Variants in MTUS2 observed in about 807,000 individuals in gnomAD.
MTUS2 encodes the protein microtubule associated scaffold protein 2.
Under a neutral mutation model 114.1 loss-of-function variants are expected in MTUS2, and 40 were observed. That is an observed-to-expected ratio of 0.35 (90% CI 0.27 to 0.46). The LOEUF (loss-of-function observed/expected upper bound fraction) is 0.46. MTUS2 is among the 20% of genes least tolerant of loss of function. The pLI is 1.00. For missense variants in MTUS2, 1,679 were observed against 1,705.4 expected (o/e 0.98, Z 0.27); for synonymous variants, 688 against 672.0 (o/e 1.02, Z -0.37).
chr13:29,000,760 C>T (rs1367036677), intron 2 of MTUS2, among the ~76,000 whole-genome samples: 1 of 152,216 alleles, frequency 6.6e-6, no homozygotes, highest in Non-Finnish European at 1.5e-5. Flanking sequence ...TGAGCCATCA[C>T]CAAGTTTTGC....
chr13:29,338,051 C>A (rs1901172632), intron 7 of MTUS2, among the ~76,000 whole-genome samples: 1 of 151,424 alleles, frequency 6.6e-6, no homozygotes, highest in Admixed American at 6.6e-5. Flanking sequence ...CTCAGCCTCC[C>A]AAAGTGCTGG....
rs748022334 is a variant in MTUS2, at chr13:29,034,071, C to T, written c.2392C>T (p.His798Tyr). 3 of 1,613,888 alleles carry T rather than the reference C, an allele frequency of 1.9e-6. No individual in the cohort carries two copies. The highest frequency in any genetic ancestry group is 2.5e-6 in the Non-Finnish European group (3 of 1,179,908). The change falls in exon 4 of 16, where the codon CAC becomes TAC. Residue 798 changes from histidine (H) to tyrosine (Y), a missense_variant. Coordinates refer to ENST00000612955, the MANE Select transcript of MTUS2 (RefSeq NM_001033602.4). ...TCAGAGGTCTTCAGCGAGCGCCATC[C>T]ACCCACCAGGACCCATAACAACAGC... ...ASQRSSASAIHPPGPITTATS... is the reference protein window; with the variant it reads ...ASQRSSASAIYPPGPITTATS...
At chr13:28,934,695 G>C (rs1479990767) in intron 2 of MTUS2, among the ~76,000 whole-genome samples, 1 of 152,008 alleles carries the variant, frequency 6.6e-6, no homozygotes, top group Non-Finnish European at 1.5e-5. Flanking sequence ...TGCTAATTTG[G>C]TATTTTTAGT....
chr13:29,297,166 A>G (rs1197685582), intron 6 of MTUS2, among the ~76,000 whole-genome samples: 1 of 152,098 alleles, frequency 6.6e-6, no homozygotes, highest in African/African-American at 2.4e-5. Context: ...ATATGGATGT[A>G]TAGTTTCTTA....
At chr13:29,071,409 ATTTTTTTTTTTTTTTT>A (rs751020009) in intron 4 of MTUS2, among the ~76,000 whole-genome samples, 16 of 46,142 alleles carry the variant, frequency 3.5e-4, no homozygotes, top group South Asian at 2.3e-3. Context: ...TGTTGCTTGA[ATTTTTTTTTTTTTTTT>A]TTTTTTTTTT....
intron 8 of MTUS2, among the ~76,000 whole-genome samples, chr13:29,360,269 T>C (rs1338947161): frequency 6.6e-6 from 1 of 152,200 alleles, no homozygotes; most frequent in Non-Finnish European, 1.5e-5. Context: ...GTAAAAGTGC[T>C]GTATAAATGC....
chr13:29,448,481 G>T (rs1396082731), intron 9 of MTUS2, among the ~76,000 whole-genome samples: 1 of 152,150 alleles, frequency 6.6e-6, no homozygotes, highest in Non-Finnish European at 1.5e-5. Flanking sequence ...ATGGGGAAAT[G>T]TCTTTTTTTT....
At chr13:29,125,866 T>G (rs1041004375) in intron 5 of MTUS2, among the ~76,000 whole-genome samples, 1 of 152,236 alleles carries the variant, frequency 6.6e-6, no homozygotes, top group Admixed American at 6.5e-5. Context: ...GAGACAGCTT[T>G]CTGTTTGAGG....
At chr13:28,867,703 A>G (rs1025045620) in intron 2 of MTUS2, among the ~76,000 whole-genome samples, 1 of 152,232 alleles carries the variant, frequency 6.6e-6, no homozygotes, top group Non-Finnish European at 1.5e-5. Flanking sequence ...ATTTTATTGT[A>G]GGTCATGAGT....
intron 2 of MTUS2, among the ~76,000 whole-genome samples, chr13:28,944,939 G>T (rs1566241917): frequency 6.6e-6 from 1 of 152,106 alleles, no homozygotes; most frequent in Non-Finnish European, 1.5e-5. Context: ...AATGTACATT[G>T]AACCTATTAA....
chr13:29,162,464 TAA>T (rs1433327590), intron 5 of MTUS2, among the ~76,000 whole-genome samples: 4 of 152,170 alleles, frequency 2.6e-5, no homozygotes, highest in African/African-American at 2.4e-5. Flanking sequence ...CTCACTAAAT[TAA>T]AGAGTGTGTT....
chr13:29,492,589 T>A, intron 11 of MTUS2, 57 bp from the exon 12 acceptor site: 1 of 1,438,434 alleles, frequency 7.0e-7, no homozygotes, highest in Non-Finnish European at 9.8e-7. Context: ...CAAAAGAGCC[T>A]TGTTTTATCC....
At chr13:29,285,913 T>G (rs1211641799) in intron 6 of MTUS2, among the ~76,000 whole-genome samples, 5 of 152,084 alleles carry the variant, frequency 3.3e-5, no homozygotes, top group Admixed American at 6.6e-5. Flanking sequence ...GGCTATATGG[T>G]GATATTAAGG....
At chr13:29,173,033 A>G (rs980828256) in intron 5 of MTUS2, among the ~76,000 whole-genome samples, 1 of 152,152 alleles carries the variant, frequency 6.6e-6, no homozygotes, top group South Asian at 2.1e-4. Context: ...AGGAACCTTC[A>G]TATAGGCACC....
At chr13:29,311,974 C>T (rs1183004277) in intron 6 of MTUS2, among the ~76,000 whole-genome samples, 3 of 152,162 alleles carry the variant, frequency 2.0e-5, no homozygotes, top group Non-Finnish European at 4.4e-5. Context: ...AACCTCCAGC[C>T]TCATTCCCTA....
intron 5 of MTUS2, among the ~76,000 whole-genome samples, chr13:29,228,757 G>C (rs1411338985): frequency 6.6e-6 from 1 of 151,980 alleles, no homozygotes; most frequent in Non-Finnish European, 1.5e-5. Context: ...AGAAGGGGGG[G>C]AAGAAAACAT....
chr13:29,487,731 G>A (rs1338898790), intron 10 of MTUS2, 169 bp from the exon 11 acceptor site: 20 of 627,680 alleles, frequency 3.2e-5, no homozygotes, highest in Admixed American at 1.0e-4. Context: ...TGACCTCCCC[G>A]TGATTCCGAG....
chr13:29,090,694 A>G (rs1452727770), intron 4 of MTUS2, among the ~76,000 whole-genome samples: 1 of 152,220 alleles, frequency 6.6e-6, no homozygotes, highest in African/African-American at 2.4e-5. Flanking sequence ...CAGACAGGGG[A>G]TGCCCATACA....
chr13:29,344,797 T>C (rs1868505268), intron 7 of MTUS2, among the ~76,000 whole-genome samples: 1 of 152,218 alleles, frequency 6.6e-6, no homozygotes, highest in African/African-American at 2.4e-5. Flanking sequence ...TTTGATGTAT[T>C]TTGAGAATTT....
Sources: allele counts gnomAD v4.1 joint callset (sites outside exome capture counted in the v4.1 genomes callset), GRCh38; gene constraint gnomAD v4.1.1; transcripts MANE v1.5; gene names NCBI Gene and HGNC (gene_info 2026-07-23, HGNC 2026-07-21).